The following RBFOX1 variants were observed in gnomAD, a reference collection of about 807,000 sequenced individuals.
RBFOX1 encodes the protein RNA binding fox-1 homolog 1.
RBFOX1 carries 8 observed loss-of-function variants against 57.7 expected under a neutral mutation model. That is an observed-to-expected ratio of 0.14 (90% CI 0.08 to 0.25). The LOEUF (loss-of-function observed/expected upper bound fraction) is 0.25, where lower values mean the gene tolerates loss of function less well. Among genes scored for constraint, RBFOX1 ranks in the 10% least tolerant of loss-of-function variants. The pLI, the probability that RBFOX1 is intolerant of heterozygous loss-of-function variation, is 1.00. For synonymous variants in RBFOX1, 326 were observed against 222.4 expected, an observed-to-expected ratio of 1.47 and a Z score of -4.15; for missense variants, 611 against 548.5, an observed-to-expected ratio of 1.11 and a Z score of -1.14.
At chr16:7,122,200 TAAAAG>T (rs1423027394) in intron 4 of RBFOX1, among the ~76,000 whole-genome samples, 1 of 152,124 alleles carries the variant, frequency 6.6e-6, no homozygotes, top group Non-Finnish European at 1.5e-5. Flanking sequence ...AGGTCTCTAT[TAAAAG>T]AAAGAAAATA....
At chr16:7,189,425 CAAAAAAAAAA>C (rs1159617665) in intron 4 of RBFOX1, among the ~76,000 whole-genome samples, 14 of 67,614 alleles carry the variant, frequency 2.1e-4, no homozygotes, top group African/African-American at 3.3e-4. Flanking sequence ...GACTCCCTCT[CAAAAAAAAAA>C]AAAAAAAAAA....
chr16:7,076,643 A>G (rs189217261), intron 4 of RBFOX1, among the ~76,000 whole-genome samples: 113 of 152,338 alleles, frequency 7.4e-4, no homozygotes, highest in African/African-American at 2.4e-3. Flanking sequence ...TTTCCTCCCA[A>G]TAATATACCA....
chr16:7,155,588 C>G (rs550142709), intron 4 of RBFOX1, among the ~76,000 whole-genome samples: 8 of 134,824 alleles, frequency 5.9e-5, no homozygotes, highest in East Asian at 2.5e-4. Flanking sequence ...AGGGTGAGCA[C>G]TTGTCTGAAA....
chr16:6,357,070 G>A (rs376333460), intron 2 of RBFOX1, among the ~76,000 whole-genome samples: 3 of 151,990 alleles, frequency 2.0e-5, no homozygotes, highest in Non-Finnish European at 4.4e-5. Context: ...GCAGTATTTG[G>A]CCAAGGGAAG....
chr16:7,202,396 A>C (rs1010862935), intron 4 of RBFOX1, among the ~76,000 whole-genome samples: 1 of 152,188 alleles, frequency 6.6e-6, no homozygotes, highest in African/African-American at 2.4e-5. Flanking sequence ...AAAATAGTAC[A>C]GGTGCTGTGG....
chr16:7,440,285 G>A (rs1413168973), intron 4 of RBFOX1, among the ~76,000 whole-genome samples: 1 of 152,178 alleles, frequency 6.6e-6, no homozygotes, highest in Non-Finnish European at 1.5e-5. Flanking sequence ...CCCAGCCACA[G>A]CATATTAGGG....
intron 1 of RBFOX1, among the ~76,000 whole-genome samples, chr16:5,261,956 G>T (rs1182683729): frequency 2.0e-5 from 3 of 152,132 alleles, no homozygotes; most frequent in Non-Finnish European, 4.4e-5. Flanking sequence ...TATTCCATGA[G>T]ATATTTCACA....
intron 4 of RBFOX1, among the ~76,000 whole-genome samples, chr16:7,509,078 T>G (rs1227962747): frequency 1.3e-5 from 2 of 152,228 alleles, no homozygotes; most frequent in Non-Finnish European, 2.9e-5. Flanking sequence ...GGCATTGATG[T>G]GGGATTTCAC....
At chr16:6,973,245 A>G (rs896688543) in intron 3 of RBFOX1, among the ~76,000 whole-genome samples, 12 of 152,318 alleles carry the variant, frequency 7.9e-5, no homozygotes, top group African/African-American at 2.9e-4. Flanking sequence ...CATTAATAGC[A>G]TAAATGATTA....
intron 2 of RBFOX1, among the ~76,000 whole-genome samples, chr16:6,476,578 T>C (rs1033310161): frequency 1.3e-5 from 2 of 152,308 alleles, no homozygotes; most frequent in African/African-American, 4.8e-5. Context: ...ATGCCAACAA[T>C]CATCTGAGCC....
At chr16:5,411,587 T>A (rs2067022971) in intron 1 of RBFOX1, among the ~76,000 whole-genome samples, 1 of 152,180 alleles carries the variant, frequency 6.6e-6, no homozygotes, top group South Asian at 2.1e-4. Context: ...TTTGTGGCAA[T>A]TTGTTACAGC....
At chr16:7,199,282 G>A (rs978890578) in intron 4 of RBFOX1, among the ~76,000 whole-genome samples, 1 of 152,062 alleles carries the variant, frequency 6.6e-6, no homozygotes, top group Non-Finnish European at 1.5e-5. Flanking sequence ...ACACCAAAGT[G>A]CCCTTTTATG....
At chr16:6,331,498 G>T (rs1208331333) in intron 2 of RBFOX1, among the ~76,000 whole-genome samples, 4 of 151,046 alleles carry the variant, frequency 2.6e-5, no homozygotes, top group Non-Finnish European at 4.4e-5. Context: ...TGTGGGAATG[G>T]ATATAAATGG....
intron 3 of RBFOX1, among the ~76,000 whole-genome samples, chr16:6,936,390 T>C (rs1002639675): frequency 1.3e-5 from 2 of 152,174 alleles, no homozygotes; most frequent in Non-Finnish European, 2.9e-5. Context: ...AAATAAAAAC[T>C]TCTTGGTGAG....
chr16:6,285,837 T>G (rs2076850480), intron 1 of RBFOX1, among the ~76,000 whole-genome samples: 1 of 152,134 alleles, frequency 6.6e-6, no homozygotes. Context: ...TCCAGAAGCA[T>G]CTTATTTACA....
intron 4 of RBFOX1, among the ~76,000 whole-genome samples, chr16:7,199,214 C>T (rs976177756): frequency 6.6e-6 from 1 of 152,114 alleles, no homozygotes; most frequent in Non-Finnish European, 1.5e-5. Flanking sequence ...TAGAGGGGGA[C>T]ATTTTAAGGA....
At chr16:6,823,729 C>A (rs554533698) in intron 3 of RBFOX1, among the ~76,000 whole-genome samples, 3 of 152,238 alleles carry the variant, frequency 2.0e-5, no homozygotes, top group South Asian at 2.1e-4. Flanking sequence ...ATATTTACCA[C>A]CAATTGAAAT....
chr16:6,933,830 C>T (rs1038930377), intron 3 of RBFOX1, among the ~76,000 whole-genome samples: 1 of 152,154 alleles, frequency 6.6e-6, no homozygotes, highest in Non-Finnish European at 1.5e-5. Context: ...CAGTGTTTAC[C>T]TCTCTTTATC....
intron 3 of RBFOX1, among the ~76,000 whole-genome samples, chr16:6,974,462 A>G (rs1352651261): frequency 6.9e-6 from 1 of 145,914 alleles, no homozygotes; most frequent in African/African-American, 2.6e-5. Context: ...ATCCTGCCTC[A>G]GCCTCCCAAG....
Sources: gnomAD v4.1 joint callset for allele counts (sites outside exome capture counted in the v4.1 genomes callset) on GRCh38, gnomAD v4.1.1 for gene constraint, MANE v1.5 for transcripts, NCBI Gene and HGNC (gene_info 2026-07-23, HGNC 2026-07-21) for gene names.